ATL1: variants seen among roughly 807,000 people sequenced by gnomAD.
ATL1 encodes atlastin GTPase 1.
Under a neutral mutation model 75.5 loss-of-function variants are expected in ATL1, and 31 were observed. That is an observed-to-expected ratio of 0.41 (90% CI 0.31 to 0.55). The LOEUF is 0.55. Among genes scored for constraint, ATL1 ranks in the 20% least tolerant of loss-of-function variants. The pLI is 0.27. For missense variants in ATL1, 405 were observed against 662.6 expected, an observed-to-expected ratio of 0.61 and a Z score of 4.27; for synonymous variants, 226 against 233.3, an observed-to-expected ratio of 0.97 and a Z score of 0.28.
Position 50,590,402 on chromosome 14 carries a change from C to G in ATL1, c.283-539C>G, listed in dbSNP as rs78610091. Among the ~76,000 whole-genome samples the G allele has an allele frequency of 1.6e-3, 242 of 152,256 alleles. 5 individuals are homozygous for G. In the East Asian group the frequency reaches 0.036, roughly 23 times the overall value. On this transcript the variant is annotated intron_variant, in intron 2 of 13. Transcript: ENST00000358385. ...CTGTCTGTCCAGCCTCTTCCTGCTA[C>G]TTGCTTCCTCCTCCCACAAAACCAA...
rs907200686 is a variant in ATL1 at position 50,560,419 on chromosome 14, C to G, written c.34+120C>G. On this transcript the variant is annotated intron_variant, in intron 1 of 13. Transcript: ENST00000358385. Reference sequence around the variant, plus strand: ...GGTGCCTGCGTCCACGGCTGGGAGACGGGCCGTAGCCGAGCCGCTCCCTGT... The same window carrying G: ...GGTGCCTGCGTCCACGGCTGGGAGAGGGGCCGTAGCCGAGCCGCTCCCTGT... 7.5e-6 allele frequency: 10 copies of G among 1,326,432 alleles called. No homozygotes were observed. In the South Asian group the frequency reaches 9.0e-5, roughly 12 times the overall value. 82.2% of individuals were successfully genotyped at this position (1,326,432 alleles called of 1,614,324 possible). A position where few individuals can be genotyped will look rare whatever the true frequency, so the allele number is the denominator to read the frequency against.
At chr14:50,540,293 G>A (rs2038545001) in intron 1 of ATL1, among the ~76,000 whole-genome samples, 1 of 152,220 alleles carries the variant, frequency 6.6e-6, no homozygotes, top group Admixed American at 6.5e-5. Flanking sequence ...GTACTTAAGT[G>A]CCATTTGACA....
chr14:50,574,931 G>GTATATA (rs1398197718), intron 1 of ATL1, among the ~76,000 whole-genome samples: 98 of 78,636 alleles, frequency 1.2e-3, no homozygotes, highest in Non-Finnish European at 1.5e-3. Flanking sequence ...GTGTGTGTGT[G>GTATATA]TGTGTGTATA....
At chr14:50,563,947 G>A (rs1303022702) in intron 1 of ATL1, among the ~76,000 whole-genome samples, 5 of 152,112 alleles carry the variant, frequency 3.3e-5, no homozygotes, top group Non-Finnish European at 2.9e-5. Context: ...AGGTACCATA[G>A]TTTCTAGGTT....
intron 1 of ATL1, among the ~76,000 whole-genome samples, chr14:50,578,292 C>T (rs1014240872): frequency 6.6e-6 from 1 of 151,988 alleles, no homozygotes; most frequent in African/African-American, 2.4e-5. Flanking sequence ...AGACAATCTC[C>T]CTCCTCTTCA....
At position 50,560,335 on chromosome 14, in the gene ATL1, GGGTCTTCT is replaced by G. The variant is rs752441165; in HGVS notation, c.34+39_34+46del. ...AATGAGAACTTCTGCAGCCTGCACG[GGGTCTTCT>G]GGCCCTCCACTTTCTGCTTCTGTGG... On this transcript the variant is annotated intron_variant, in intron 1 of 13. Transcript: ENST00000358385. The G allele has an allele frequency of 1.2e-6, 2 of 1,610,222 alleles. 1 individual carries two copies. Among genetic ancestry groups the G allele is most frequent in the Non-Finnish European group, 1.7e-6 (2 of 1,178,236 alleles).
At position 50,585,096 on chromosome 14, in the gene ATL1, A is replaced by G. The variant is rs184446413; in HGVS notation, c.35-2735A>G. On this transcript the variant is annotated intron_variant, in intron 1 of 13. Coordinates refer to ENST00000358385, the MANE Select transcript of ATL1 (RefSeq NM_015915.5). ...CAAGACCACAGTGAGATAACATTTT[A>G]TACCTCTGCAACTGACAAAAACAAA... 4.3e-4 allele frequency among the ~76,000 whole-genome samples: 65 copies of G among 152,362 alleles called. 1 individual carries two copies. Among genetic ancestry groups the G allele is most frequent in the Admixed American group, 2.0e-3 (30 of 15,306 alleles).
intron 7 of ATL1, 135 bp from the exon 8 acceptor site, chr14:50,614,238 T>C: frequency 1.0e-6 from 1 of 983,158 alleles, no homozygotes; most frequent in Non-Finnish European, 1.6e-6. Flanking sequence ...ACTTTCTTCT[T>C]TCTTTAGTAG....
At chr14:50,631,712 C>T (rs1315287031) in intron 13 of ATL1, among the ~76,000 whole-genome samples, 1 of 152,038 alleles carries the variant, frequency 6.6e-6, no homozygotes, top group African/African-American at 2.4e-5. Flanking sequence ...AAGGCAAGAG[C>T]GTGTAAAGTG....
At chr14:50,544,518 T>G (rs915277703) in intron 1 of ATL1, among the ~76,000 whole-genome samples, 7 of 152,280 alleles carry the variant, frequency 4.6e-5, no homozygotes, top group African/African-American at 1.2e-4. Context: ...AGGTTTTCCT[T>G]GCTATTAACA....
upstream of ATL1, chr14:50,559,417 A>C (rs1361988988): frequency 6.6e-6 from 1 of 152,238 alleles, no homozygotes; most frequent in Non-Finnish European, 1.5e-5. Context: ...GGAAAGATTG[A>C]AAGTATTTTT....
At chr14:50,538,495 A>G (rs17718908) in intron 1 of ATL1, among the ~76,000 whole-genome samples, 32,037 of 152,212 alleles carry the variant, frequency 0.21, 4,182 homozygotes, top group Middle Eastern at 0.3. Context: ...TTGTCTGCAA[A>G]TTCAATAGCT....
intron 1 of ATL1, chr14:50,571,940 G>A: frequency 5.8e-6 from 2 of 344,958 alleles, no homozygotes; most frequent in Non-Finnish European, 1.1e-5. Context: ...CTAACATGAT[G>A]GTACTATTTC....
intron 1 of ATL1, among the ~76,000 whole-genome samples, chr14:50,571,320 G>A (rs563908042): frequency 6.6e-6 from 1 of 152,268 alleles, no homozygotes; most frequent in Admixed American, 6.5e-5. Context: ...TGCCTGCCAT[G>A]GGACTGGGAG....
chr14:50,625,966 CAA>C (rs2039516473), intron 11 of ATL1, among the ~76,000 whole-genome samples: 1 of 151,042 alleles, frequency 6.6e-6, no homozygotes, highest in Non-Finnish European at 1.5e-5. Context: ...AATGGAAGAA[CAA>C]AGCCTATGTA....
intron 8 of ATL1, among the ~76,000 whole-genome samples, chr14:50,615,363 G>A (rs1273212277): frequency 6.6e-6 from 1 of 152,154 alleles, no homozygotes; most frequent in Non-Finnish European, 1.5e-5. Flanking sequence ...CAGCACAATT[G>A]TTGTCAGAGG....
intron 5 of ATL1, among the ~76,000 whole-genome samples, chr14:50,594,723 A>C (rs1450867023): frequency 3.9e-5 from 6 of 152,202 alleles, no homozygotes; most frequent in Admixed American, 3.9e-4. Context: ...GGCCGGGTGC[A>C]GTGGCTTACG....
intron 1 of ATL1, among the ~76,000 whole-genome samples, chr14:50,544,784 A>G (rs1208290221): frequency 1.3e-5 from 2 of 151,954 alleles, no homozygotes; most frequent in African/African-American, 4.8e-5. Flanking sequence ...AAGTTGGGAA[A>G]AAATTAGCCA....
At chr14:50,551,951 C>G (rs2038707600) in intron 1 of ATL1, among the ~76,000 whole-genome samples, 1 of 152,084 alleles carries the variant, frequency 6.6e-6, no homozygotes, top group Non-Finnish European at 1.5e-5. Context: ...AGAACTAGAA[C>G]AAGACAAGAA....
Sources: gnomAD v4.1 joint callset for allele counts (sites outside exome capture counted in the v4.1 genomes callset) on GRCh38, gnomAD v4.1.1 for gene constraint, MANE v1.5 for transcripts, NCBI Gene and HGNC (gene_info 2026-07-23, HGNC 2026-07-21) for gene names.